Variants in CKM observed in about 807,000 individuals in gnomAD.
CKM encodes creatine kinase M-type.
CKM carries 28 observed loss-of-function variants against 35.4 expected under a neutral mutation model. That is an observed-to-expected ratio of 0.79 (90% CI 0.59 to 1.08). CKM has a LOEUF of 1.08. Among genes scored for constraint, CKM ranks in the 50% least tolerant of loss-of-function variants. The probability of loss-of-function intolerance (pLI) is 0.00; values close to 1 mark genes in which losing one functional copy is unlikely to be tolerated. For synonymous variants in CKM, 215 were observed against 204.4 expected (o/e 1.05, Z -0.44); for missense variants, 484 against 509.8 (o/e 0.95, Z 0.49).
intron 4 of CKM, among the ~76,000 whole-genome samples, chr19:45,312,549 A>C (rs1381396286): frequency 6.6e-6 from 1 of 152,006 alleles, no homozygotes; most frequent in East Asian, 1.9e-4. Flanking sequence ...CAGCCTCTCA[A>C]GTACCTGGGA....
chr19:45,319,035 T>C (rs1479709213), intron 2 of CKM, among the ~76,000 whole-genome samples: 1 of 152,062 alleles, frequency 6.6e-6, no homozygotes, highest in East Asian at 1.9e-4. Flanking sequence ...TTTTGTATTT[T>C]TTGTAGAGAC....
rs1199205776 is a variant in CKM at position 45,317,905 on chromosome 19, C to T, written c.268G>A (p.Asp90Asn). The T allele has an allele frequency of 6.2e-7, 1 of 1,613,934 alleles. No individual in the cohort carries two copies. The highest frequency in any genetic ancestry group is 1.7e-5 in the Admixed American group (1 of 59,968). ...CCGTGGCGATCCGAGATGATGGGGT[C>T]AAAGAGTTCCTTGAAAACTTCGTAG... The part of the protein sequence containing the change: ...ESYEVFKELF[D>N]PIISDRHGGY... The change falls in exon 3 of 8, where the codon GAC becomes AAC. Residue 90 changes from aspartate to asparagine, a missense_variant. Asp to Asn is a conservative substitution (Grantham distance 23, BLOSUM62 1). Transcript: ENST00000221476.
intron 3 of CKM, among the ~76,000 whole-genome samples, chr19:45,315,862 G>A (rs1599818620): frequency 9.4e-5 from 4 of 42,604 alleles, no homozygotes; most frequent in South Asian, 8.0e-4. Context: ...TTTTTTCTTC[G>A]AGACAGGGTC....
chr19:45,319,322 G>A (rs1971188579), intron 2 of CKM, among the ~76,000 whole-genome samples, 199 bp downstream of exon 2: 1 of 152,144 alleles, frequency 6.6e-6, no homozygotes, highest in South Asian at 2.1e-4. Flanking sequence ...TCTCGTGCAT[G>A]TTTATTGCGT....
chr19:45,306,421 C>T lies in CKM; in HGVS notation c.*329G>A. On this transcript the variant is annotated 3_prime_UTR_variant, in exon 8 of 8. Coordinates refer to ENST00000221476, the MANE Select transcript of CKM (RefSeq NM_001824.5). The surrounding 1 kb of genome is among the most constrained non-coding windows in gnomAD (Gnocchi z 4.5). ...TAACTATCGCACAAAGCTAAGGCCA[C>T]CAATGCTTTTATTTATCGCTTTGCG... 2 of 404,116 alleles carry T rather than the reference C, an allele frequency of 4.9e-6. No individual in the cohort carries two copies. Among genetic ancestry groups the T allele is most frequent in the South Asian group, 5.2e-5 (2 of 38,790 alleles). 25.0% of individuals were successfully genotyped at this position (404,116 alleles called of 1,614,324 possible).
chr19:45,310,293 T>G (rs576984157), intron 5 of CKM, among the ~76,000 whole-genome samples: 4 of 152,028 alleles, frequency 2.6e-5, no homozygotes, highest in East Asian at 1.9e-4. Flanking sequence ...GCTAATTTTT[T>G]GTATTTTTAG....
In CKM at chr19:45,310,759, CTTTTTTTTTTTTTTTTTTT is replaced by C. The variant is rs3047558; in HGVS notation, c.653+971_653+989del. Among the ~76,000 whole-genome samples, 4 of 50,264 alleles carry C rather than the reference CTTTTTTTTTTTTTTTTTTT, an allele frequency of 8.0e-5. 1 individual carries two copies. The highest frequency in any genetic ancestry group is 9.8e-4 in the East Asian group (2 of 2,042). 33.0% of individuals were successfully genotyped at this position (50,264 alleles called of 152,430 possible). Reference sequence around the variant, plus strand: ...CACAGGTATACGCCATCACGCCTGGCTTTTTTTTTTTTTTTTTTTTTTTTTTTTTTTTGAGACGGAGTCT... The same window carrying C: ...CACAGGTATACGCCATCACGCCTGGCTTTTTTTTTTTTTGAGACGGAGTCT... On this transcript the variant is annotated intron_variant, in intron 5 of 7. Transcript: ENST00000221476.
At position 45,311,935 on chromosome 19, in the gene CKM, G is replaced by A. The variant is rs377168364; in HGVS notation, c.482-15C>T. ...GCTGTTGAGAGCTATGGGGACACAC[G>A]AGGGAGTGGTCAGCAGCCTGTCCCA... On this transcript the variant is annotated splice_polypyrimidine_tract_variant and intron_variant, in intron 4 of 7. Coordinates refer to ENST00000221476, the MANE Select transcript of CKM (RefSeq NM_001824.5). 3.0e-5 allele frequency: 49 copies of A among 1,613,328 alleles called. No individual in the cohort carries two copies. The highest frequency in any genetic ancestry group is 2.0e-4 in the Admixed American group (12 of 59,982).
intron 5 of CKM, among the ~76,000 whole-genome samples, chr19:45,310,257 A>C: frequency 6.6e-6 from 1 of 151,392 alleles, no homozygotes; most frequent in Non-Finnish European, 1.5e-5. Flanking sequence ...AGTAAGTAGG[A>C]CTACAGGCGC....
Position 45,319,654 on chromosome 19 carries a change from G to T in CKM, c.60C>A (p.Tyr20Ter). ...FKLNYKPEEE[Y>*]PDLSKHNNHM... is the part of the protein sequence containing the mutation. ...GGTTGTTATGTTTGCTGAGGTCGGGGTACTCCTCCTCAGGCTTGTAATTCA... is the reference window on the plus strand; with the variant it reads ...GGTTGTTATGTTTGCTGAGGTCGGGTTACTCCTCCTCAGGCTTGTAATTCA... Residue 20 changes from tyrosine to a stop codon, truncating the protein, a stop_gained, in exon 2 of 8, where the codon TAC (tyrosine) becomes TAA (stop). Coordinates refer to ENST00000221476, the MANE Select transcript of CKM (RefSeq NM_001824.5). LOFTEE classifies it high-confidence loss of function. The T allele has an allele frequency of 1.2e-6, 2 of 1,614,182 alleles. No homozygotes were observed. The highest frequency in any genetic ancestry group is 1.7e-6 in the Non-Finnish European group (2 of 1,180,020).
chr19:45,309,092 G>GTT (rs1971082982), intron 5 of CKM, among the ~76,000 whole-genome samples: 1 of 151,874 alleles, frequency 6.6e-6, no homozygotes, highest in Non-Finnish European at 1.5e-5. Flanking sequence ...TCTGGGCATG[G>GTT]TGGCGGGCAT....
intron 6 of CKM, among the ~76,000 whole-genome samples, chr19:45,307,924 C>T (rs1416432161): frequency 6.9e-6 from 1 of 144,988 alleles, no homozygotes; most frequent in African/African-American, 2.6e-5. Context: ...AGTGCAATGG[C>T]GTGATCTCGT....
intron 5 of CKM, among the ~76,000 whole-genome samples, chr19:45,311,062 G>C (rs1240291674): frequency 6.8e-6 from 1 of 146,038 alleles, no homozygotes; most frequent in South Asian, 2.2e-4. Context: ...TTACAGGCGT[G>C]AGCCACCGCG....
At chr19:45,317,609 A>G (rs1229602956) in intron 3 of CKM, among the ~76,000 whole-genome samples, 1 of 150,054 alleles carries the variant, frequency 6.7e-6, no homozygotes, top group African/African-American at 2.5e-5. Flanking sequence ...TTTTTTAAAG[A>G]CAGAGTTTTG....
At chr19:45,320,986 C>T (rs1971208458) in intron 1 of CKM, among the ~76,000 whole-genome samples, 1 of 151,964 alleles carries the variant, frequency 6.6e-6, no homozygotes, top group Non-Finnish European at 1.5e-5. Context: ...CTGCAACCTC[C>T]ACCTCCCAGG....
chr19:45,320,890 CTAT>C (rs61014137), intron 1 of CKM, among the ~76,000 whole-genome samples: 10 of 146,310 alleles, frequency 6.8e-5, no homozygotes, highest in East Asian at 3.9e-4. Flanking sequence ...CACTTAGCTG[CTAT>C]TATTATTATT....
rs3047558 is a variant in CKM at position 45,310,759 on chromosome 19, C to CTTTTTTTT, written c.653+982_653+989dup. On this transcript the variant is annotated intron_variant, in intron 5 of 7. Transcript: ENST00000221476. Reference sequence around the variant, plus strand: ...CACAGGTATACGCCATCACGCCTGGCTTTTTTTTTTTTTTTTTTTTTTTTT... The same window carrying CTTTTTTTT: ...CACAGGTATACGCCATCACGCCTGGCTTTTTTTTTTTTTTTTTTTTTTTTTTTTTTTTT... 1.4e-4 allele frequency among the ~76,000 whole-genome samples: 7 copies of CTTTTTTTT among 50,266 alleles called. 2 individuals carry two copies. The highest frequency in any genetic ancestry group is 5.3e-4 in the Admixed American group (2 of 3,754). 33.0% of individuals were successfully genotyped at this position (50,266 alleles called of 152,430 possible).
chr19:45,307,159 T>C (rs1971061017), intron 7 of CKM, among the ~76,000 whole-genome samples: 1 of 152,216 alleles, frequency 6.6e-6, no homozygotes, highest in Non-Finnish European at 1.5e-5. Flanking sequence ...GAGTGGGTTC[T>C]GGAGCCAGGC....
At position 45,319,723 on chromosome 19, in the gene CKM, G is replaced by A; in HGVS notation, c.-10C>T. 6.2e-7 allele frequency: 1 copy of A among 1,613,892 alleles called. No homozygotes were observed. Among genetic ancestry groups the A allele is most frequent in the Non-Finnish European group, 8.5e-7 (1 of 1,179,840 alleles). ...TGTTACCGAATGGCATGGTGGCGGTGTAGGAGACCTGATGGGCAGGGCAGG... is the reference window on the plus strand; with the variant it reads ...TGTTACCGAATGGCATGGTGGCGGTATAGGAGACCTGATGGGCAGGGCAGG... On this transcript the variant is annotated 5_prime_UTR_variant, in exon 2 of 8. Coordinates refer to ENST00000221476, the MANE Select transcript of CKM (RefSeq NM_001824.5).
Sources: allele counts gnomAD v4.1 joint callset (sites outside exome capture counted in the v4.1 genomes callset), GRCh38; gene constraint gnomAD v4.1.1; non-coding constraint Gnocchi (gnomAD v3.1); transcripts MANE v1.5; gene names NCBI Gene and HGNC (gene_info 2026-07-23, HGNC 2026-07-21).